TAFA2: variants seen among roughly 807,000 people sequenced by gnomAD.
TAFA2 encodes TAFA chemokine like family member 2.
A neutral mutation model predicts 18.8 loss-of-function variants in TAFA2; 7 were observed. That is an observed-to-expected ratio of 0.37 (90% CI 0.21 to 0.70). TAFA2 has a LOEUF of 0.70. TAFA2 is among the 30% of genes least tolerant of loss of function. The pLI is 0.53. For missense variants in TAFA2, 122 were observed against 158.1 expected (o/e 0.77, Z 1.23); for synonymous variants, 60 against 54.2 (o/e 1.11, Z -0.47).
At chr12:62,161,140 A>G (rs1282246911) in intron 1 of TAFA2, among the ~76,000 whole-genome samples, 2 of 152,202 alleles carry the variant, frequency 1.3e-5, no homozygotes, top group South Asian at 2.1e-4. Context: ...CTTTGCAAAC[A>G]TCTATTTCTT....
chr12:61,716,033 A>G (rs999240238), intron 4 of TAFA2, among the ~76,000 whole-genome samples: 3 of 152,240 alleles, frequency 2.0e-5, no homozygotes, highest in African/African-American at 7.2e-5. Flanking sequence ...TGGGTAAAAC[A>G]GAAATACTAT....
intron 1 of TAFA2, among the ~76,000 whole-genome samples, chr12:61,932,491 G>A (rs543201228): frequency 1.3e-5 from 2 of 152,264 alleles, no homozygotes; most frequent in South Asian, 2.1e-4. Flanking sequence ...CCAGGCTGGA[G>A]TGCAGTGGTG....
chr12:61,929,842 C>A (rs1184739257), intron 1 of TAFA2, among the ~76,000 whole-genome samples: 1 of 152,070 alleles, frequency 6.6e-6, no homozygotes, highest in Admixed American at 6.6e-5. Flanking sequence ...AGGATGAGTT[C>A]ATGTCCTTTG....
At chr12:61,933,644 G>T (rs557155449) in intron 1 of TAFA2, among the ~76,000 whole-genome samples, 4 of 152,110 alleles carry the variant, frequency 2.6e-5, no homozygotes, top group Non-Finnish European at 4.4e-5. Context: ...GATCTTTTGA[G>T]CCCAGGAGTT....
chr12:61,889,264 C>G (rs1875525875), intron 1 of TAFA2, among the ~76,000 whole-genome samples: 1 of 152,130 alleles, frequency 6.6e-6, no homozygotes, highest in African/African-American at 2.4e-5. Context: ...GATATCTAGA[C>G]TAAGCTGACC....
At chr12:62,090,661 A>T (rs1868671128) in intron 1 of TAFA2, among the ~76,000 whole-genome samples, 1 of 152,092 alleles carries the variant, frequency 6.6e-6, no homozygotes. Context: ...CCTCTTTCCC[A>T]CAATCATGTG....
At chr12:61,900,956 A>G (rs1876071987) in intron 1 of TAFA2, among the ~76,000 whole-genome samples, 1 of 152,190 alleles carries the variant, frequency 6.6e-6, no homozygotes, top group Non-Finnish European at 1.5e-5. Context: ...GTTTCCATCA[A>G]CAAGATCATG....
At chr12:62,193,022 C>T (rs540807779), upstream of TAFA2, among the ~76,000 whole-genome samples, 5 of 152,336 alleles carry the variant, frequency 3.3e-5, no homozygotes, top group East Asian at 1.9e-4. Context: ...CCCTATTAAG[C>T]AAAGCCCTTG....
intron 2 of TAFA2, among the ~76,000 whole-genome samples, chr12:61,855,779 T>C (rs184677293): frequency 1.3e-5 from 2 of 152,052 alleles, no homozygotes; most frequent in African/African-American, 2.4e-5. Flanking sequence ...GAGAGTCAAC[T>C]TAATATATGA....
intron 1 of TAFA2, among the ~76,000 whole-genome samples, chr12:61,957,090 G>C (rs1172364021): frequency 1.3e-5 from 2 of 152,140 alleles, no homozygotes; most frequent in Non-Finnish European, 1.5e-5. Context: ...AGAGATGGCA[G>C]TTAAATGTAA....
chr12:62,195,476 A>G (rs541770278), upstream of TAFA2, among the ~76,000 whole-genome samples: 41 of 152,316 alleles, frequency 2.7e-4, no homozygotes, highest in Non-Finnish European at 2.9e-5. Context: ...CTAGCAAAAT[A>G]TATTTCTTAA....
At chr12:62,050,428 C>T (rs147263868) in intron 1 of TAFA2, among the ~76,000 whole-genome samples, 13,992 of 151,806 alleles carry the variant, frequency 0.092, 670 homozygotes, top group Non-Finnish European at 0.11. Flanking sequence ...AAAAATTAGC[C>T]GGGCGTGGTG....
chr12:62,122,640 A>G (rs1870248085), intron 1 of TAFA2, among the ~76,000 whole-genome samples: 1 of 152,180 alleles, frequency 6.6e-6, no homozygotes, highest in East Asian at 1.9e-4. Context: ...TACATAGTCC[A>G]TATATACCCA....
chr12:61,947,193 A>G (rs1315648007), intron 1 of TAFA2, among the ~76,000 whole-genome samples: 2 of 147,900 alleles, frequency 1.4e-5, no homozygotes, highest in Non-Finnish European at 3.0e-5. Context: ...CATTCTCAGT[A>G]AACTATCGCA....
chr12:62,029,920 C>A (rs1881411363), intron 1 of TAFA2, among the ~76,000 whole-genome samples: 1 of 151,944 alleles, frequency 6.6e-6, no homozygotes, highest in Non-Finnish European at 1.5e-5. Context: ...AGCAACATTA[C>A]CACAGCAATG....
chr12:61,749,499 A>G (rs74095428), intron 4 of TAFA2, among the ~76,000 whole-genome samples: 135 of 152,238 alleles, frequency 8.9e-4, no homozygotes, highest in African/African-American at 3.2e-3. Flanking sequence ...TTTTAATTCT[A>G]ATATGAGTAC....
intron 1 of TAFA2, among the ~76,000 whole-genome samples, chr12:62,100,567 G>T (rs1429511554): frequency 6.6e-6 from 1 of 152,112 alleles, no homozygotes; most frequent in African/African-American, 2.4e-5. Flanking sequence ...TAGATCACTT[G>T]AAAATCTTGT....
At chr12:61,810,289 A>G (rs1452943077) in intron 2 of TAFA2, among the ~76,000 whole-genome samples, 1 of 150,570 alleles carries the variant, frequency 6.6e-6, no homozygotes, top group East Asian at 1.9e-4. Context: ...ATGGGGGAAA[A>G]TTGTTTTTAA....
chr12:62,026,895 T>C (rs1028694958), intron 1 of TAFA2, among the ~76,000 whole-genome samples: 1 of 152,152 alleles, frequency 6.6e-6, no homozygotes, highest in African/African-American at 2.4e-5. Context: ...AGAACACAGC[T>C]TGAAATTATA....
Sources: gnomAD v4.1 joint callset for allele counts (sites outside exome capture counted in the v4.1 genomes callset) on GRCh38, gnomAD v4.1.1 for gene constraint, MANE v1.5 for transcripts, NCBI Gene and HGNC (gene_info 2026-07-23, HGNC 2026-07-21) for gene names.